The following ALG3 variants were observed in gnomAD, a reference collection of about 807,000 sequenced individuals.
ALG3 encodes ALG3 alpha-1,3- mannosyltransferase.
Under a neutral mutation model 50.5 loss-of-function variants are expected in ALG3, and 39 were observed. The ratio of observed to expected loss-of-function variants is 0.77; its 90% confidence interval spans 0.60 to 1.01. ALG3 has a LOEUF of 1.01. ALG3 is among the 50% of genes least tolerant of loss of function. The pLI, the probability that ALG3 is intolerant of heterozygous loss-of-function variation, is 0.00. For synonymous variants in ALG3, 252 were observed against 237.2 expected, an observed-to-expected ratio of 1.06 and a Z score of -0.58; for missense variants, 520 against 554.8, an observed-to-expected ratio of 0.94 and a Z score of 0.63.
intron 1 of ALG3, 74 bp from the exon 2 acceptor site, chr3:184,245,886 C>T (rs1157517691): frequency 8.7e-7 from 1 of 1,147,348 alleles, no homozygotes; most frequent in Non-Finnish European, 1.3e-6. Context: ...GCCTCCAGAC[C>T]ATCAAAACAC....
At position 184,242,891 on chromosome 3, in the gene ALG3, T is replaced by C. The variant is rs748734090; in HGVS notation, c.1076A>G (p.Gln359Arg). 6.2e-7 allele frequency: 1 copy of C among 1,613,802 alleles called. No homozygotes were observed. The highest frequency in any genetic ancestry group is 2.2e-5 in the East Asian group (1 of 44,880). ...GICFSRSLHY[Q>R]FYVWYFHTLP... ...TGTGTGGAAATACCAGACGTAGAAC[T>C]GGTAGTGGAGGGAGCGGCTGAAGCA... is the stretch of plus-strand genomic sequence containing the variant. Residue 359 changes from glutamine (Q) to arginine (R), a missense_variant, in exon 8 of 9, where the codon CAG (glutamine) becomes CGG (arginine). Around this residue, in one of 3 missense-constraint regions of ALG3, gnomAD observed 224 missense variants for 272.8 expected, o/e 0.82. Transcript: ENST00000397676.
chr3:184,243,180 A>T, intron 7 of ALG3: 8 of 627,404 alleles, frequency 1.3e-5, no homozygotes, highest in Non-Finnish European at 1.6e-5. Context: ...TGAACCCCTA[A>T]CTTACTGGCT....
chr3:184,243,167 G>C (rs1289927400), intron 7 of ALG3: 1 of 678,580 alleles, frequency 1.5e-6, no homozygotes, highest in Non-Finnish European at 2.4e-6. Context: ...GGTCTTGTGG[G>C]TTTGAACCCC....
intron 1 of ALG3, among the ~76,000 whole-genome samples, 182 bp from the exon 2 acceptor site, chr3:184,245,994 T>C (rs1453594918): frequency 1.3e-5 from 2 of 152,224 alleles, no homozygotes; most frequent in Non-Finnish European, 2.9e-5. Flanking sequence ...TCAACATTTC[T>C]ATAAGTGAAT....
In ALG3 at chr3:184,244,820, C is replaced by A. The variant is rs1719040879; in HGVS notation, c.606-99G>T. ...CCCACCATCACCACAGCAACCTCCC[C>A]CCCGCCGCCACGCCAACAAACTCCA... On this transcript the variant is annotated intron_variant, in intron 4 of 8. Transcript: ENST00000397676. The A allele has an allele frequency of 2.0e-6, 3 of 1,482,072 alleles. No homozygotes were observed. The Admixed American group carries it at 6.3e-5, about 31-fold the overall frequency. 91.8% of individuals were successfully genotyped at this position (1,482,072 alleles called of 1,614,324 possible). A position where few individuals can be genotyped will look rare whatever the true frequency, so the allele number is the denominator to read the frequency against.
chr3:184,243,320 A>G (rs1275263394), intron 7 of ALG3: 3 of 585,968 alleles, frequency 5.1e-6, no homozygotes, highest in Admixed American at 6.3e-5. Context: ...GAACATATGT[A>G]AATCTCTTAT....
upstream of ALG3, chr3:184,248,985 C>T (rs1353540925): frequency 1.3e-6 from 2 of 1,545,972 alleles, no homozygotes; most frequent in Non-Finnish European, 1.7e-6. Context: ...CCCGGAAACC[C>T]GAACCTTCGA....
Position 184,242,907 on chromosome 3 carries a change from G to C in ALG3, c.1060C>G (p.Arg354Gly), listed in dbSNP as rs762510540. ...TSNFIGICFS[R>G]SLHYQFYVWY... Reference sequence around the variant, plus strand: ...ACGTAGAACTGGTAGTGGAGGGAGCGGCTGAAGCAGATGCCAATGAAGTTG... The same window carrying C: ...ACGTAGAACTGGTAGTGGAGGGAGCCGCTGAAGCAGATGCCAATGAAGTTG... The change falls in exon 8 of 9, where the codon CGC (arginine) becomes GGC (glycine). Residue 354 changes from arginine to glycine, a missense_variant. Around this residue, in one of 3 missense-constraint regions of ALG3, gnomAD observed 224 missense variants for 272.8 expected, o/e 0.82. Transcript: ENST00000397676. 5.0e-6 allele frequency: 8 copies of C among 1,613,734 alleles called. No homozygotes were observed. The highest frequency in any genetic ancestry group is 6.8e-6 in the Non-Finnish European group (8 of 1,179,894).
rs773227426 is a variant in ALG3 at position 184,245,580 on chromosome 3, A to C, written c.332T>G (p.Leu111Trp). 3 of 1,613,736 alleles carry C rather than the reference A, an allele frequency of 1.9e-6. No homozygotes were observed. Among genetic ancestry groups the C allele is most frequent in the South Asian group, 2.2e-5 (2 of 91,020 alleles). ...AGTGCCTCGGCTGGTGGCATAGTACAACCCCATAAAGATGTACACGAAACC... is the reference window on the plus strand; with the variant it reads ...AGTGCCTCGGCTGGTGGCATAGTACCACCCCATAAAGATGTACACGAAACC... Reference protein sequence around the residue: ...PAGFVYIFMGLYYATSRGTDI... With the variant: ...PAGFVYIFMGWYYATSRGTDI... Residue 111 changes from leucine (L) to tryptophan (W), a missense_variant, in exon 3 of 9, where the codon TTG becomes TGG. Around this residue, in one of 3 missense-constraint regions of ALG3, gnomAD observed 290 missense variants for 265.9 expected, o/e 1.09. Transcript: ENST00000397676.
chr3:184,243,062 C>T, intron 7 of ALG3, 105 bp from the exon 8 acceptor site: 1 of 1,475,208 alleles, frequency 6.8e-7, no homozygotes. Flanking sequence ...CTCTGCCATT[C>T]CTTGATGCAT....
intron 3 of ALG3, 32 bp from the exon 4 acceptor site, chr3:184,245,390 A>G: frequency 6.2e-7 from 1 of 1,613,424 alleles, no homozygotes; most frequent in Non-Finnish European, 8.5e-7. Flanking sequence ...GTACAAGGTC[A>G]GCTCAGCAAG....
intron 1 of ALG3, among the ~76,000 whole-genome samples, chr3:184,248,320 T>C (rs910889447): frequency 6.6e-6 from 1 of 152,158 alleles, no homozygotes; most frequent in African/African-American, 2.4e-5. Context: ...TAGCCAATAA[T>C]GCCTAATGGA....
Position 184,242,901 on chromosome 3 carries a change from G to A in ALG3, c.1066C>T (p.Leu356Phe). 1 of 1,613,890 alleles carries A rather than the reference G, an allele frequency of 6.2e-7. No individual in the cohort carries two copies. Among genetic ancestry groups the A allele is most frequent in the Non-Finnish European group, 8.5e-7 (1 of 1,179,898 alleles). Residue 356 changes from leucine to phenylalanine, a missense_variant, in exon 8 of 9, where the codon CTC becomes TTC. By Grantham distance (22) the Leu-to-Phe change is conservative. Around this residue, in one of 3 missense-constraint regions of ALG3, gnomAD observed 224 missense variants for 272.8 expected, o/e 0.82. Coordinates refer to ENST00000397676, the MANE Select transcript of ALG3 (RefSeq NM_005787.6). ...TACCAGACGTAGAACTGGTAGTGGA[G>A]GGAGCGGCTGAAGCAGATGCCAATG... ...NFIGICFSRS[L>F]HYQFYVWYFH...
chr3:184,244,876 G>A (rs908141199), intron 4 of ALG3, 155 bp from the exon 5 acceptor site: 5 of 1,112,486 alleles, frequency 4.5e-6, no homozygotes, highest in Admixed American at 4.7e-5. Flanking sequence ...ACTGTTGGAG[G>A]GAAGAGCCTG....
rs376927697 is a variant in ALG3 at position 184,242,813 on chromosome 3, C to G, written c.1154G>C (p.Arg385Thr). The G allele has an allele frequency of 1.9e-6, 3 of 1,613,594 alleles. No homozygotes were observed. The African/African-American group carries it at 4.0e-5, about 22-fold the overall frequency. The change falls in exon 8 of 9, where the codon AGG (arginine) becomes ACG (threonine). Residue 385 changes from arginine (R) to threonine (T), a missense_variant and splice_region_variant. By Grantham distance (71) the Arg-to-Thr change is moderately conservative. This residue lies in a region of ALG3 where 224 missense variants were observed against 272.8 expected (regional missense o/e 0.82). Coordinates refer to ENST00000397676, the MANE Select transcript of ALG3 (RefSeq NM_005787.6). ...MPARWLTHLL[R>T]LLVLGLIELS... ...TCCCCCAGGTTGTCCCAGCTGGTAC[C>G]TGAGCAGGTGTGTGAGCCAGCGTGC...
At chr3:184,249,440 G>T (rs1046831334), upstream of ALG3, 47 of 834,542 alleles carry the variant, frequency 5.6e-5, no homozygotes, top group Non-Finnish European at 8.3e-5. Flanking sequence ...GCAGTGATGA[G>T]CCCACGTGAG....
upstream of ALG3, chr3:184,249,304 G>A (rs748947479): frequency 3.1e-6 from 5 of 1,603,980 alleles, no homozygotes; most frequent in Non-Finnish European, 4.3e-6. Flanking sequence ...TCTCCAGGAG[G>A]GCAAAGCCCC....
chr3:184,248,903 G>A lies in ALG3; in HGVS notation c.38C>T (p.Ser13Phe), dbSNP rs1479002923. The part of the protein sequence containing the change: ...AGLRKRGRSG[S>F]AAQAEGLCKQ... ...GCAGAGTCCCTCTGCCTGGGCCGCGGAACCGGACCGGCCGCGTTTCCGCAG... is the reference window on the plus strand; with the variant it reads ...GCAGAGTCCCTCTGCCTGGGCCGCGAAACCGGACCGGCCGCGTTTCCGCAG... The change falls in exon 1 of 9, where the codon TCC becomes TTC. Residue 13 changes from serine (S) to phenylalanine (F), a missense_variant. This residue lies in a region of ALG3 where 290 missense variants were observed against 265.9 expected (regional missense o/e 1.09). Transcript: ENST00000397676. The A allele has an allele frequency of 4.4e-6, 7 of 1,597,644 alleles. No homozygotes were observed. The highest frequency in any genetic ancestry group is 6.0e-6 in the Non-Finnish European group (7 of 1,172,888).
chr3:184,243,181 C>T, intron 7 of ALG3: 5 of 627,028 alleles, frequency 8.0e-6, no homozygotes, highest in South Asian at 2.2e-5. Flanking sequence ...GAACCCCTAA[C>T]TTACTGGCTG....
Sources: gnomAD v4.1 joint callset for allele counts (sites outside exome capture counted in the v4.1 genomes callset) on GRCh38, gnomAD v4.1.1 for gene constraint, gnomAD v4.1.1 regional missense constraint, MANE v1.5 for transcripts, NCBI Gene and HGNC (gene_info 2026-07-23, HGNC 2026-07-21) for gene names.